XKR4: variants seen among roughly 807,000 people sequenced by gnomAD.
The protein encoded by XKR4 is XK-related protein 4.
In XKR4, 12 loss-of-function variants were observed where a neutral mutation model predicts 53.9. The observed-to-expected ratio is 0.22, with a 90% CI of 0.14 to 0.36. XKR4 has a LOEUF of 0.36. Among genes scored for constraint, XKR4 ranks in the 10% least tolerant of loss-of-function variants. The pLI, the probability that XKR4 is intolerant of heterozygous loss-of-function variation, is 1.00. For missense variants in XKR4, 799 were observed against 859.5 expected (o/e 0.93, Z 0.88); for synonymous variants, 354 against 362.4 (o/e 0.98, Z 0.26).
intron 2 of XKR4, among the ~76,000 whole-genome samples, chr8:55,404,075 T>A (rs992622686): frequency 6.6e-6 from 1 of 152,184 alleles, no homozygotes; most frequent in African/African-American, 2.4e-5. Context: ...AGAGTCTACA[T>A]GTAGATGTGT....
At chr8:55,374,803 G>A (rs1375313160) in intron 2 of XKR4, among the ~76,000 whole-genome samples, 2 of 152,210 alleles carry the variant, frequency 1.3e-5, no homozygotes, top group Non-Finnish European at 2.9e-5. Context: ...ATGCAAATTA[G>A]AGGAGAGGGC....
At chr8:55,438,745 A>T (rs1392158493) in intron 2 of XKR4, among the ~76,000 whole-genome samples, 1 of 152,180 alleles carries the variant, frequency 6.6e-6, no homozygotes, top group Non-Finnish European at 1.5e-5. Context: ...GAAAACTCAT[A>T]AAATGTTATA....
Position 55,436,863 on chromosome 8 carries a change from G to T in XKR4, c.1006+78986G>T, listed in dbSNP as rs374066294. ...TGATCCAAATATCACAGAGGGCCCG[G>T]TAGCTGGTTCCCTGAGCCCAAAGTC... is the stretch of plus-strand genomic sequence containing the variant. On this transcript the variant is annotated intron_variant, in intron 2 of 2. Transcript: ENST00000327381. Among the ~76,000 whole-genome samples the T allele has an allele frequency of 1.7e-4, 26 of 152,292 alleles. 1 individual carries two copies. The South Asian group carries it at 5.4e-3, about 32-fold the overall frequency.
intron 1 of XKR4, among the ~76,000 whole-genome samples, chr8:55,342,139 C>G (rs367994166): frequency 6.8e-6 from 1 of 147,200 alleles, no homozygotes; most frequent in Non-Finnish European, 1.5e-5. Context: ...AATGGCAACT[C>G]TATCTTTCCA....
intron 1 of XKR4, among the ~76,000 whole-genome samples, chr8:55,245,199 G>A (rs1818268829): frequency 6.6e-6 from 1 of 151,968 alleles, no homozygotes; most frequent in Admixed American, 6.6e-5. Flanking sequence ...GAGCCACCAT[G>A]CCCGGCCCTT....
At chr8:55,390,970 A>C (rs1804436263) in intron 2 of XKR4, among the ~76,000 whole-genome samples, 1 of 152,254 alleles carries the variant, frequency 6.6e-6, no homozygotes, top group East Asian at 1.9e-4. Context: ...GAGTTTGATT[A>C]AATGCTTTAC....
intron 1 of XKR4, among the ~76,000 whole-genome samples, chr8:55,254,653 C>G (rs1563494176): frequency 6.6e-6 from 1 of 152,124 alleles, no homozygotes; most frequent in Non-Finnish European, 1.5e-5. Context: ...TCAGGTTGTG[C>G]CTGGAGGCTG....
At chr8:55,184,838 G>A (rs545690212) in intron 1 of XKR4, among the ~76,000 whole-genome samples, 1 of 152,186 alleles carries the variant, frequency 6.6e-6, no homozygotes, top group African/African-American at 2.4e-5. Context: ...ATTCTCGGGT[G>A]TAGATCTATT....
chr8:55,383,485 T>C (rs1804264745), intron 2 of XKR4, among the ~76,000 whole-genome samples: 1 of 152,222 alleles, frequency 6.6e-6, no homozygotes, highest in Non-Finnish European at 1.5e-5. Flanking sequence ...AAGTTAATCC[T>C]GGTTTAGGCA....
chr8:55,195,244 C>T lies in XKR4; in HGVS notation c.806+91950C>T, dbSNP rs544536844. On this transcript the variant is annotated intron_variant, in intron 1 of 2. Transcript: ENST00000327381. The stretch of plus-strand genomic sequence containing the variant: ...TTTTACTATTAATGTTAATAATTAT[C>T]TATCAAAAATATAACGTTTATGTTT... Among the ~76,000 whole-genome samples the T allele has an allele frequency of 2.2e-3, 249 of 111,568 alleles. 17 individuals carry two copies. The highest frequency in any genetic ancestry group is 7.3e-3 in the African/African-American group (237 of 32,462). The allele number at this position is 111,568 out of a possible 152,430, so 73.2% of individuals were successfully genotyped here. A position where few individuals can be genotyped will look rare whatever the true frequency, so the allele number is the denominator to read the frequency against.
At chr8:55,198,252 G>A (rs1327000594) in intron 1 of XKR4, among the ~76,000 whole-genome samples, 1 of 152,184 alleles carries the variant, frequency 6.6e-6, no homozygotes, top group Non-Finnish European at 1.5e-5. Context: ...TTTTATCAAA[G>A]TAATGACTGG....
chr8:55,162,459 C>T (rs951096718), intron 1 of XKR4, among the ~76,000 whole-genome samples: 2 of 152,122 alleles, frequency 1.3e-5, no homozygotes, highest in Non-Finnish European at 2.9e-5. Flanking sequence ...TTCTTAAGAC[C>T]ACAACTTCTT....
At chr8:55,293,662 G>A (rs1304016626) in intron 1 of XKR4, among the ~76,000 whole-genome samples, 2 of 152,144 alleles carry the variant, frequency 1.3e-5, no homozygotes, top group East Asian at 1.9e-4. Context: ...GGAAGAAACT[G>A]TAAAAGCTTT....
At chr8:55,400,134 T>C (rs1213197777) in intron 2 of XKR4, among the ~76,000 whole-genome samples, 1 of 152,184 alleles carries the variant, frequency 6.6e-6, no homozygotes, top group Non-Finnish European at 1.5e-5. Context: ...GAACTTTGTC[T>C]TAGAGAACAC....
chr8:55,255,393 C>T (rs1000197316), intron 1 of XKR4, among the ~76,000 whole-genome samples: 3 of 152,172 alleles, frequency 2.0e-5, no homozygotes, highest in Non-Finnish European at 4.4e-5. Context: ...TGCTAGCTAT[C>T]ATCATAATTT....
chr8:55,452,472 G>A (rs892838606), intron 2 of XKR4: 2 of 631,018 alleles, frequency 3.2e-6, no homozygotes, highest in Admixed American at 2.3e-5. Flanking sequence ...ACGCCCATCC[G>A]GTGGCAGGTA....
intron 1 of XKR4, among the ~76,000 whole-genome samples, chr8:55,116,756 C>A (rs1194810008): frequency 6.6e-6 from 1 of 152,152 alleles, no homozygotes; most frequent in Non-Finnish European, 1.5e-5. Flanking sequence ...AGGGTTCCCT[C>A]CCCCATCTAT....
chr8:55,246,122 G>A (rs1009664109), intron 1 of XKR4, among the ~76,000 whole-genome samples: 1 of 152,058 alleles, frequency 6.6e-6, no homozygotes, highest in Non-Finnish European at 1.5e-5. Context: ...CATAGCCTCT[G>A]CCTTTGTGTT....
chr8:55,271,063 G>A (rs1818684353), intron 1 of XKR4, among the ~76,000 whole-genome samples: 1 of 152,080 alleles, frequency 6.6e-6, no homozygotes. Context: ...GTGGACAGTT[G>A]CCATCTTCTC....
Sources: gnomAD v4.1 joint callset for allele counts (sites outside exome capture counted in the v4.1 genomes callset) on GRCh38, gnomAD v4.1.1 for gene constraint, MANE v1.5 for transcripts, NCBI Gene and HGNC (gene_info 2026-07-23, HGNC 2026-07-21) for gene names.